The following TOLLIP variants were observed in gnomAD, a reference collection of about 807,000 sequenced individuals.
TOLLIP encodes toll-interacting protein.
Under a neutral mutation model 33.5 loss-of-function variants are expected in TOLLIP, and 16 were observed. The observed-to-expected ratio is 0.48, with a 90% CI of 0.32 to 0.72. The LOEUF (loss-of-function observed/expected upper bound fraction) is 0.72. Among genes scored for constraint, TOLLIP ranks in the 30% least tolerant of loss-of-function variants. The pLI is 0.03. For synonymous variants in TOLLIP, 176 were observed against 163.7 expected (o/e 1.07, Z -0.57); for missense variants, 325 against 396.6 (o/e 0.82, Z 1.53).
chr11:1,287,114 G>A (rs1479923595), intron 4 of TOLLIP, among the ~76,000 whole-genome samples: 1 of 152,148 alleles, frequency 6.6e-6, no homozygotes, highest in Non-Finnish European at 1.5e-5. Context: ...ACTGTCAGCT[G>A]TGGATAAGTC....
chr11:1,287,503 C>T (rs1256857827), intron 4 of TOLLIP, among the ~76,000 whole-genome samples: 476 of 18,712 alleles, frequency 0.025, 158 homozygotes, highest in Middle Eastern at 0.11. Context: ...CCCTCCCCGC[C>T]GCAGCCTCCC....
Position 1,276,868 on chromosome 11 carries a change from C to T in TOLLIP, c.*171G>A, listed in dbSNP as rs747030195. 9 of 1,538,594 alleles carry T rather than the reference C, an allele frequency of 5.8e-6. No homozygotes were observed. Among genetic ancestry groups the T allele is most frequent in the African/African-American group, 2.7e-5 (2 of 73,148 alleles). On this transcript the variant is annotated 3_prime_UTR_variant, in exon 6 of 6. Transcript: ENST00000317204. The stretch of plus-strand genomic sequence containing the variant: ...CGCCCCGTCCTGGACCGCCAGGAAC[C>T]GAAAACCCACATGCACCCAAGAACA...
intron 2 of TOLLIP, among the ~76,000 whole-genome samples, chr11:1,291,622 C>T (rs906870682): frequency 1.3e-5 from 2 of 151,444 alleles, no homozygotes; most frequent in African/African-American, 4.9e-5. Flanking sequence ...GGCACCGCCG[C>T]CCTGTTCTCA....
In TOLLIP at chr11:1,276,558, C is replaced by T. The variant is rs1210455038; in HGVS notation, c.*481G>A. 15 of 806,872 alleles carry T rather than the reference C, an allele frequency of 1.9e-5. No individual in the cohort carries two copies. The East Asian group carries it at 2.6e-4, about 14-fold the overall frequency. The allele number at this position is 806,872 out of a possible 1,614,324, so 50.0% of individuals were successfully genotyped here. On this transcript the variant is annotated 3_prime_UTR_variant, in exon 6 of 6. Transcript: ENST00000317204. ...GGCAGGGGCCAGGCTCACAGCAAAGCGCGTTAGGGCAAGGGCGTGAGTTTT... is the reference window on the plus strand; with the variant it reads ...GGCAGGGGCCAGGCTCACAGCAAAGTGCGTTAGGGCAAGGGCGTGAGTTTT...
At position 1,276,528 on chromosome 11, in the gene TOLLIP, C is replaced by A; in HGVS notation, c.*511G>T. The A allele has an allele frequency of 1.8e-6, 1 of 553,686 alleles. No homozygotes were observed. Among genetic ancestry groups the A allele is most frequent in the South Asian group, 1.8e-5 (1 of 54,384 alleles). 34.3% of individuals were successfully genotyped at this position (553,686 alleles called of 1,614,324 possible). A position where few individuals can be genotyped will look rare whatever the true frequency, so the allele number is the denominator to read the frequency against. On this transcript the variant is annotated 3_prime_UTR_variant, in exon 6 of 6. Coordinates refer to ENST00000317204, the MANE Select transcript of TOLLIP (RefSeq NM_019009.4). The stretch of plus-strand genomic sequence containing the variant: ...AGCTGCTCAGCTCACCAGACCCAAG[C>A]CCTGGGCAGGGGCCAGGCTCACAGC...
intron 1 of TOLLIP, chr11:1,302,733 A>C: frequency 1.0e-6 from 1 of 985,610 alleles, no homozygotes; most frequent in African/African-American, 1.7e-5. Flanking sequence ...ACAACCCTTG[A>C]GCAAATAAGT....
At chr11:1,283,095 G>A (rs1863558482) in intron 5 of TOLLIP, among the ~76,000 whole-genome samples, 1 of 152,216 alleles carries the variant, frequency 6.6e-6, no homozygotes, top group Non-Finnish European at 1.5e-5. Flanking sequence ...GCCAGGCAGA[G>A]CCCGCCGTGA....
At chr11:1,293,007 G>A (rs1238707148) in intron 2 of TOLLIP, among the ~76,000 whole-genome samples, 2 of 152,214 alleles carry the variant, frequency 1.3e-5, no homozygotes, top group Admixed American at 6.5e-5. Flanking sequence ...ACGCGGGAAC[G>A]GACCTACTCT....
Position 1,277,887 on chromosome 11 carries a change from G to A in TOLLIP, c.611-634C>T, listed in dbSNP as rs1214881994. The stretch of plus-strand genomic sequence containing the variant: ...CACATACAAACTACACCAAGAAAAT[G>A]CTCACAAAACTCAAACAAGTGGGGC... On this transcript the variant is annotated intron_variant, in intron 5 of 5. Transcript: ENST00000317204. This position sits in a 1 kb window ranked among gnomAD's most constrained non-coding sequence, Gnocchi z 4.2. Among the ~76,000 whole-genome samples, 1 of 152,122 alleles carries A rather than the reference G, an allele frequency of 6.6e-6. No homozygotes were observed. Among genetic ancestry groups the A allele is most frequent in the Non-Finnish European group, 1.5e-5 (1 of 68,024 alleles).
At position 1,303,456 on chromosome 11, in the gene TOLLIP, T is replaced by C. The variant is rs771882334; in HGVS notation, c.33+6010A>G. Among the ~76,000 whole-genome samples the C allele has an allele frequency of 6.6e-6, 1 of 152,234 alleles. No individual in the cohort carries two copies. The highest frequency in any genetic ancestry group is 1.5e-5 in the Non-Finnish European group (1 of 68,044). ...CCATGGTGAGGTGCTGGGGCACCCC[T>C]GCTCCTGGGATGCTTACACGTGAGT... On this transcript the variant is annotated intron_variant, in intron 1 of 5. Transcript: ENST00000317204. The surrounding 1 kb of genome is among the most constrained non-coding windows in gnomAD (Gnocchi z 4.2).
In TOLLIP at chr11:1,290,398, G is replaced by A. The variant is rs1280847836; in HGVS notation, c.195C>T (p.Ala65=). Residue 65 remains alanine, a synonymous_variant, in exon 3 of 6, where the codon GCC becomes GCT. Transcript: ENST00000317204. The surrounding 1 kb of genome is among the most constrained non-coding windows in gnomAD (Gnocchi z 4.9). ...LNITVVQAKL[A]KNYGMTRMDP... is the part of the protein sequence containing the mutation. ...CCATGCGGGTCATGCCGTAATTCTT[G>A]GCCAACTTTGCCTGGAATGAAGCCA... 7.4e-6 allele frequency: 12 copies of A among 1,610,842 alleles called. No individual in the cohort carries two copies. Among genetic ancestry groups the A allele is most frequent in the Non-Finnish European group, 1.0e-5 (12 of 1,177,934 alleles).
chr11:1,306,619 G>C (rs908370763), intron 1 of TOLLIP, among the ~76,000 whole-genome samples: 2 of 152,154 alleles, frequency 1.3e-5, no homozygotes, highest in Non-Finnish European at 2.9e-5. Flanking sequence ...ACTGGGTAAA[G>C]GCCCACTATG....
At position 1,285,930 on chromosome 11, in the gene TOLLIP, C is replaced by A. The variant is rs376349045; in HGVS notation, c.610+72G>T. ...ACCCCGGCGCTCTAAGCCCCGTTCC[C>A]TCCTCCCGCACCTGCCCTAGGCCCT... On this transcript the variant is annotated intron_variant, in intron 5 of 5. Coordinates refer to ENST00000317204, the MANE Select transcript of TOLLIP (RefSeq NM_019009.4). The A allele has an allele frequency of 5.2e-5, 67 of 1,279,670 alleles. No homozygotes were observed. The African/African-American group carries it at 8.8e-4, about 17-fold the overall frequency. 79.3% of individuals were successfully genotyped at this position (1,279,670 alleles called of 1,614,324 possible).
At position 1,280,052 on chromosome 11, in the gene TOLLIP, A is replaced by C. The variant is rs1457062404; in HGVS notation, c.611-2799T>G. Reference sequence around the variant, plus strand: ...GAAAACCTACGTGATTCTTTGTTTCAAAGCGACCAAGTTAGCGGGTTAATA... The same window carrying C: ...GAAAACCTACGTGATTCTTTGTTTCCAAGCGACCAAGTTAGCGGGTTAATA... On this transcript the variant is annotated intron_variant, in intron 5 of 5. Transcript: ENST00000317204. Among the ~76,000 whole-genome samples the C allele has an allele frequency of 1.3e-5, 2 of 152,242 alleles. 1 individual carries two copies. Among genetic ancestry groups the C allele is most frequent in the Admixed American group, 1.3e-4 (2 of 15,290 alleles).
Position 1,288,529 on chromosome 11 carries a change from C to T in TOLLIP, c.519+95G>A, listed in dbSNP as rs181571320. The T allele has an allele frequency of 1.2e-3, 1,734 of 1,435,798 alleles. 4 individuals carry two copies. Among genetic ancestry groups the T allele is most frequent in the Admixed American group, 1.7e-3 (82 of 48,172 alleles). The allele number at this position is 1,435,798 out of a possible 1,614,324, so 88.9% of individuals were successfully genotyped here. Reference sequence around the variant, plus strand: ...CTGCTGTTTTATGGGCTCAGTGCCTCCAGGAAAGAGACAAGGGTGTCTGTG... The same window carrying T: ...CTGCTGTTTTATGGGCTCAGTGCCTTCAGGAAAGAGACAAGGGTGTCTGTG... On this transcript the variant is annotated intron_variant, in intron 4 of 5. Transcript: ENST00000317204.
At chr11:1,297,308 G>A (rs1038043151) in intron 1 of TOLLIP, among the ~76,000 whole-genome samples, 7 of 152,164 alleles carry the variant, frequency 4.6e-5, no homozygotes, top group East Asian at 1.9e-4. Context: ...TGCTCTGGGC[G>A]CCTGGCACTT....
chr11:1,288,596 C>T (rs1863825322), intron 4 of TOLLIP, 28 bp downstream of exon 4: 3 of 1,590,466 alleles, frequency 1.9e-6, no homozygotes, highest in South Asian at 1.1e-5. Flanking sequence ...CCCCAATGCG[C>T]CCCACCCCGC....
chr11:1,288,893 C>T (rs1863839189), intron 3 of TOLLIP, 117 bp from the exon 4 acceptor site: 2 of 1,133,482 alleles, frequency 1.8e-6, no homozygotes, highest in South Asian at 3.1e-5. Context: ...ACAGGGCTCC[C>T]ACCTGCACCA....
chr11:1,282,938 AAAATAAAT>A (rs1036005626), intron 5 of TOLLIP, among the ~76,000 whole-genome samples: 8 of 151,866 alleles, frequency 5.3e-5, no homozygotes, highest in Non-Finnish European at 8.8e-5. Flanking sequence ...AAATATAATT[AAAATAAAT>A]AAATAAATAA....
Sources: allele counts gnomAD v4.1 joint callset (sites outside exome capture counted in the v4.1 genomes callset), GRCh38; gene constraint gnomAD v4.1.1; non-coding constraint Gnocchi (gnomAD v3.1); transcripts MANE v1.5; gene names NCBI Gene and HGNC (gene_info 2026-07-23, HGNC 2026-07-21).